The following RNF215 variants were observed in gnomAD, a reference collection of about 807,000 sequenced individuals.
RNF215 encodes ring finger protein 215.
A neutral mutation model predicts 44.8 loss-of-function variants in RNF215; 41 were observed. The ratio of observed to expected loss-of-function variants is 0.92; its 90% CI spans 0.71 to 1.19. The LOEUF is 1.19. Among genes scored for constraint, RNF215 ranks in the 50% most tolerant of loss-of-function variants. The pLI is 0.00. For synonymous variants in RNF215, 218 were observed against 230.1 expected (o/e 0.95, Z 0.48); for missense variants, 452 against 496.2 (o/e 0.91, Z 0.85).
chr22:30,379,518 T>G lies in RNF215; in HGVS notation c.*82A>C. 1 of 1,504,208 alleles carries G rather than the reference T, an allele frequency of 6.6e-7. No individual in the cohort carries two copies. The highest frequency in any genetic ancestry group is 9.0e-7 in the Non-Finnish European group (1 of 1,116,160). 93.2% of individuals were successfully genotyped at this position (1,504,208 alleles called of 1,614,324 possible). Reference sequence around the variant, plus strand: ...TCCTGTCTATCCTGCTGTCCCATCCTGTCCTGTCCTGGGAGCCCAGGCTGA... The same window carrying G: ...TCCTGTCTATCCTGCTGTCCCATCCGGTCCTGTCCTGGGAGCCCAGGCTGA... On this transcript the variant is annotated 3_prime_UTR_variant, in exon 9 of 9. Coordinates refer to ENST00000382363, the MANE Select transcript of RNF215 (RefSeq NM_001017981.2).
chr22:30,381,930 G>A (rs974430982), intron 5 of RNF215, among the ~76,000 whole-genome samples: 4 of 152,170 alleles, frequency 2.6e-5, no homozygotes, highest in Admixed American at 2.6e-4. Flanking sequence ...AGAGGGTGCC[G>A]GGGCCACCAC....
At chr22:30,383,851 A>G (rs1933559867) in intron 5 of RNF215, among the ~76,000 whole-genome samples, 1 of 152,180 alleles carries the variant, frequency 6.6e-6, no homozygotes. Context: ...CTTTCCAAAG[A>G]AACGTGGCAG....
chr22:30,385,693 G>A (rs1358219093), intron 4 of RNF215, among the ~76,000 whole-genome samples: 1 of 151,410 alleles, frequency 6.6e-6, no homozygotes, highest in Non-Finnish European at 1.5e-5. Flanking sequence ...ACTGAGGCAG[G>A]AGAATCACTT....
intron 7 of RNF215, 29 bp from the exon 8 acceptor site, chr22:30,379,842 G>T: frequency 6.4e-7 from 1 of 1,571,780 alleles, no homozygotes; most frequent in Non-Finnish European, 8.6e-7. Flanking sequence ...AAGGGCTCAG[G>T]TCACCGAAGC....
chr22:30,379,288 A>AGAACCCTGGCGACAGC lies in RNF215; in HGVS notation c.*311_*312insGCTGTCGCCAGGGTTC. 1 of 430,498 alleles carries AGAACCCTGGCGACAGC rather than the reference A, an allele frequency of 2.3e-6. No homozygotes were observed. The highest frequency in any genetic ancestry group is 4.3e-6 in the Non-Finnish European group (1 of 233,082). 26.7% of individuals were successfully genotyped at this position (430,498 alleles called of 1,614,324 possible). A position where few individuals can be genotyped will look rare whatever the true frequency, so the allele number is the denominator to read the frequency against. ...CCCTGGCGACAGCTACACTGGCCCC[A>AGAACCCTGGCGACAGC]TATTCTCTTTCCTTATTGACCTGGG... is the stretch of plus-strand genomic sequence containing the variant. On this transcript the variant is annotated 3_prime_UTR_variant, in exon 9 of 9. Coordinates refer to ENST00000382363, the MANE Select transcript of RNF215 (RefSeq NM_001017981.2).
rs1397393445 is a variant in RNF215 at position 30,387,092 on chromosome 22, C to T, written c.222G>A (p.Leu74=). The T allele has an allele frequency of 6.5e-7, 1 of 1,536,148 alleles. No homozygotes were observed. Among genetic ancestry groups the T allele is most frequent in the Non-Finnish European group, 8.7e-7 (1 of 1,147,270 alleles). Residue 74 remains leucine (L), a synonymous_variant, in exon 1 of 9, where the codon CTG becomes CTA. Transcript: ENST00000382363. ...VRLPRQDALV[L]EGVRIGSEAD... ...CTTCGGAGCCGATCCTGACGCCCTC[C>T]AGGACCAGAGCGTCCTGGCGCGGCA... is the stretch of plus-strand genomic sequence containing the variant.
At position 30,387,345 on chromosome 22, in the gene RNF215, G is replaced by T. The variant is rs1601761068; in HGVS notation, c.-32C>A. 3.8e-6 allele frequency: 4 copies of T among 1,049,774 alleles called. No individual in the cohort carries two copies. The African/African-American group carries it at 5.1e-5, about 13-fold the overall frequency. 65.0% of individuals were successfully genotyped at this position (1,049,774 alleles called of 1,614,324 possible). On this transcript the variant is annotated 5_prime_UTR_variant, in exon 1 of 9. Coordinates refer to ENST00000382363, the MANE Select transcript of RNF215 (RefSeq NM_001017981.2). Reference sequence around the variant, plus strand: ...ACCCGGCGAGCTGGCCCAACAGTGGGGCCAGGGGTCCCGGGCGCGGGGGGG... The same window carrying T: ...ACCCGGCGAGCTGGCCCAACAGTGGTGCCAGGGGTCCCGGGCGCGGGGGGG...
Position 30,387,243 on chromosome 22 carries a change from A to G in RNF215, c.71T>C (p.Leu24Pro). Residue 24 changes from leucine (L) to proline (P), a missense_variant, in exon 1 of 9, where the codon CTG becomes CCG. Coordinates refer to ENST00000382363, the MANE Select transcript of RNF215 (RefSeq NM_001017981.2). ...CAGCGGCAGCAGGGGCAGCAGCAGC[A>G]GCAGCGGAGACGGAGGCGGCGGCGG... Reference protein sequence around the residue: ...PPPPPPPSPLLLLLPLLPLWL... With the variant: ...PPPPPPPSPLPLLLPLLPLWL... 16 of 1,014,642 alleles carry G rather than the reference A, an allele frequency of 1.6e-5. No homozygotes were observed. The highest frequency in any genetic ancestry group is 1.9e-5 in the Non-Finnish European group (16 of 841,694). 62.9% of individuals were successfully genotyped at this position (1,014,642 alleles called of 1,614,324 possible). A position where few individuals can be genotyped will look rare whatever the true frequency, so the allele number is the denominator to read the frequency against.
At chr22:30,382,891 C>G (rs1369769334) in intron 5 of RNF215, among the ~76,000 whole-genome samples, 1 of 152,026 alleles carries the variant, frequency 6.6e-6, no homozygotes, top group Non-Finnish European at 1.5e-5. Context: ...TGCCTAAGCT[C>G]AGGAGTTCGA....
rs368595808 is a variant in RNF215, at chr22:30,386,135, G to A, written c.436C>T (p.Arg146Trp). The change falls in exon 3 of 9, where the codon CGG (arginine) becomes TGG (tryptophan). Residue 146 changes from arginine to tryptophan, a missense_variant. By Grantham distance (101) the Arg-to-Trp change is moderately radical. Coordinates refer to ENST00000382363, the MANE Select transcript of RNF215 (RefSeq NM_001017981.2). ...YPKALVQQMR[R>W]ALFLGASALL... ...GCAGAGGCACCCAGGAAGAGGGCCC[G>A]CCGCATCTGCAGAGGGATAGAAGGC... The A allele has an allele frequency of 4.0e-5, 64 of 1,594,914 alleles. No individual in the cohort carries two copies. The highest frequency in any genetic ancestry group is 4.0e-5 in the African/African-American group (3 of 74,492).
At chr22:30,385,299 G>A (rs1569199648) in intron 4 of RNF215, among the ~76,000 whole-genome samples, 1 of 151,922 alleles carries the variant, frequency 6.6e-6, no homozygotes, top group Non-Finnish European at 1.5e-5. Context: ...GTGGGCACCT[G>A]TAGTCCCAGC....
At chr22:30,385,245 C>T (rs1933580281) in intron 4 of RNF215, among the ~76,000 whole-genome samples, 1 of 151,764 alleles carries the variant, frequency 6.6e-6, no homozygotes, top group African/African-American at 2.4e-5. Flanking sequence ...CATGGTGAAA[C>T]CCCGTCTCTA....
intron 4 of RNF215, among the ~76,000 whole-genome samples, chr22:30,385,176 C>A (rs1933579128): frequency 6.6e-6 from 1 of 152,144 alleles, no homozygotes; most frequent in African/African-American, 2.4e-5. Context: ...AATCCCAGCA[C>A]TTTGGGAGGC....
chr22:30,381,391 G>A (rs1933527871), intron 5 of RNF215, among the ~76,000 whole-genome samples: 1 of 152,208 alleles, frequency 6.6e-6, no homozygotes, highest in Middle Eastern at 3.2e-3. Context: ...CGGGCCCCTG[G>A]GCAGCCTCAG....
chr22:30,383,916 C>T (rs573474615), intron 5 of RNF215, among the ~76,000 whole-genome samples: 2 of 152,268 alleles, frequency 1.3e-5, no homozygotes, highest in Admixed American at 6.5e-5. Context: ...GAAAAGGTGT[C>T]CACGTCTACA....
Position 30,380,131 on chromosome 22 carries a change from TGCCCTGCTCA to T in RNF215, c.929_938del (p.Leu310GlnfsTer44), listed in dbSNP as rs1933505455. The T allele has an allele frequency of 6.2e-7, 1 of 1,613,746 alleles. No homozygotes were observed. Among genetic ancestry groups the T allele is most frequent in the Non-Finnish European group, 8.5e-7 (1 of 1,179,982 alleles). On this transcript the variant is annotated frameshift_variant, in exon 7 of 9. Coordinates refer to ENST00000382363, the MANE Select transcript of RNF215 (RefSeq NM_001017981.2). LOFTEE classifies it high-confidence loss of function. The surrounding 1 kb of genome is among the most constrained non-coding windows in gnomAD (Gnocchi z 5.3). ...CACCCGGATCTGGGAGGCCCTGCGC[TGCCCTGCTCA>T]GCCGGCAGCGCCGTGTCTTGAGGGA...
chr22:30,384,502 G>C lies in RNF215; in HGVS notation c.588-7C>G, dbSNP rs548784565. 1.9e-6 allele frequency: 3 copies of C among 1,612,392 alleles called. No homozygotes were observed. The highest frequency in any genetic ancestry group is 1.7e-5 in the Admixed American group (1 of 59,958). On this transcript the variant is annotated splice_polypyrimidine_tract_variant and splice_region_variant and intron_variant, in intron 4 of 8. Coordinates refer to ENST00000382363, the MANE Select transcript of RNF215 (RefSeq NM_001017981.2). ...AGCCGTGGCCTGGGTCCTCCTGGGAGGGGAAGTCACCGGGGCCAGATGGAA... is the reference window on the plus strand; with the variant it reads ...AGCCGTGGCCTGGGTCCTCCTGGGACGGGAAGTCACCGGGGCCAGATGGAA...
chr22:30,386,915 G>T, intron 1 of RNF215, 114 bp downstream of exon 1: 1 of 1,482,170 alleles, frequency 6.7e-7, no homozygotes, highest in Non-Finnish European at 8.9e-7. Context: ...CTGGGGAGGG[G>T]CGCTGGACTC....
chr22:30,387,108 T>C lies in RNF215; in HGVS notation c.206A>G (p.Gln69Arg), dbSNP rs1933612519. 6.6e-7 allele frequency: 1 copy of C among 1,518,558 alleles called. No homozygotes were observed. The highest frequency in any genetic ancestry group is 1.4e-5 in the African/African-American group (1 of 71,538). 94.1% of individuals were successfully genotyped at this position (1,518,558 alleles called of 1,614,324 possible). A position where few individuals can be genotyped will look rare whatever the true frequency, so the allele number is the denominator to read the frequency against. Residue 69 changes from glutamine to arginine, a missense_variant, in exon 1 of 9, where the codon CAG becomes CGG. Physicochemically the swap from Gln to Arg is conservative, Grantham distance 43. Transcript: ENST00000382363. ...AVRVDVRLPR[Q>R]DALVLEGVRI... is the part of the protein sequence containing the mutation. ...GACGCCCTCCAGGACCAGAGCGTCC[T>C]GGCGCGGCAGTCTCACGTCCACCCG...
Sources: allele counts gnomAD v4.1 joint callset (sites outside exome capture counted in the v4.1 genomes callset), GRCh38; gene constraint gnomAD v4.1.1; non-coding constraint Gnocchi (gnomAD v3.1); transcripts MANE v1.5; gene names NCBI Gene and HGNC (gene_info 2026-07-23, HGNC 2026-07-21).